The following SHISA6 variants were observed in gnomAD, a reference collection of about 807,000 sequenced individuals.
The protein encoded by SHISA6 is shisa family member 6.
SHISA6 carries 22 observed loss-of-function variants against 47.9 expected under a neutral mutation model. The ratio of observed to expected loss-of-function variants is 0.46; its 90% CI spans 0.33 to 0.66. SHISA6 has a LOEUF of 0.66. Ranked by LOEUF, SHISA6 falls within the 30% of genes least tolerant of loss-of-function variation. The pLI, the probability that SHISA6 is intolerant of heterozygous loss-of-function variation, is 0.02. For missense variants in SHISA6, 680 were observed against 764.6 expected, an observed-to-expected ratio of 0.89 and a Z score of 1.30; for synonymous variants, 388 against 337.8, an observed-to-expected ratio of 1.15 and a Z score of -1.63.
Position 11,388,816 on chromosome 17 carries a change from A to T in SHISA6, c.895+9307A>T, listed in dbSNP as rs1309753227. On this transcript the variant is annotated intron_variant, in intron 3 of 5. Transcript: ENST00000441885. ...TATATATATATATATATATATATAT[A>T]TATATATATATATATATATATATAT... Among the ~76,000 whole-genome samples, 13 of 100,376 alleles carry T rather than the reference A, an allele frequency of 1.3e-4. 1 individual carries two copies. Among genetic ancestry groups the T allele is most frequent in the African/African-American group, 4.2e-4 (10 of 23,702 alleles). The allele number at this position is 100,376 out of a possible 152,430, so 65.9% of individuals were successfully genotyped here.
At position 11,448,821 on chromosome 17, in the gene SHISA6, C is replaced by T. The variant is rs543088770; in HGVS notation, c.895+69312C>T. Among the ~76,000 whole-genome samples, 19 of 151,978 alleles carry T rather than the reference C, an allele frequency of 1.3e-4. No individual in the cohort carries two copies. The South Asian group carries it at 4.0e-3, about 32-fold the overall frequency. ...AGCCTGGGTGACAAGAGCAAAACTC[C>T]GTCTTGTCTGAGCAAAAAATCATCT... On this transcript the variant is annotated intron_variant, in intron 3 of 5. Coordinates refer to ENST00000441885, the MANE Select transcript of SHISA6 (RefSeq NM_207386.4).
chr17:11,380,548 A>C (rs574367059), intron 3 of SHISA6: 140 of 152,340 alleles, frequency 9.2e-4, no homozygotes, highest in African/African-American at 3.3e-3. Flanking sequence ...ACATTTACTC[A>C]CTAAAAGATA....
intron 3 of SHISA6, among the ~76,000 whole-genome samples, chr17:11,437,229 G>A (rs1453286959): frequency 6.6e-6 from 1 of 152,156 alleles, no homozygotes; most frequent in Non-Finnish European, 1.5e-5. Context: ...ATGAGAGGCT[G>A]GTCACCTCCC....
chr17:11,468,603 G>A (rs1414956157), intron 3 of SHISA6, among the ~76,000 whole-genome samples: 3 of 152,278 alleles, frequency 2.0e-5, no homozygotes, highest in Middle Eastern at 6.8e-3. Flanking sequence ...ACAAGGGCTA[G>A]TCCAAGCCCG....
chr17:11,532,754 T>C (rs1179642228), intron 3 of SHISA6, among the ~76,000 whole-genome samples: 1 of 147,348 alleles, frequency 6.8e-6, no homozygotes, highest in African/African-American at 2.5e-5. Context: ...TTTTTTTTTT[T>C]TTTTTTTTTT....
At chr17:11,396,005 T>C (rs955560950) in intron 3 of SHISA6, among the ~76,000 whole-genome samples, 4 of 152,212 alleles carry the variant, frequency 2.6e-5, no homozygotes, top group Admixed American at 6.5e-5. Flanking sequence ...ACAGAGATGC[T>C]AGATAGATAG....
chr17:11,496,522 G>A (rs951775128), intron 3 of SHISA6, among the ~76,000 whole-genome samples: 2 of 152,098 alleles, frequency 1.3e-5, no homozygotes, highest in East Asian at 1.9e-4. Flanking sequence ...GGTGAATCAC[G>A]AGGTCAGGAG....
rs577853781 is a variant in SHISA6 at position 11,524,039 on chromosome 17, G to T, written c.896-27857G>T. Among the ~76,000 whole-genome samples, 5 of 142,474 alleles carry T rather than the reference G, an allele frequency of 3.5e-5. No homozygotes were observed. The East Asian group carries it at 8.2e-4, about 23-fold the overall frequency. 93.5% of individuals were successfully genotyped at this position (142,474 alleles called of 152,430 possible). ...AAAAGAAAAAAGAAAGAAAAGAAAAGAAAGAAAGAAAAAGAAGAAAGAAAG... is the reference window on the plus strand; with the variant it reads ...AAAAGAAAAAAGAAAGAAAAGAAAATAAAGAAAGAAAAAGAAGAAAGAAAG... On this transcript the variant is annotated intron_variant, in intron 3 of 5. Transcript: ENST00000441885.
chr17:11,478,194 G>T (rs1404940641), intron 3 of SHISA6, among the ~76,000 whole-genome samples: 2 of 55,168 alleles, frequency 3.6e-5, no homozygotes, highest in Non-Finnish European at 6.9e-5. Context: ...TTTTTCATGT[G>T]TTTTTTGGCT....
intron 3 of SHISA6, among the ~76,000 whole-genome samples, chr17:11,480,183 A>G (rs1017818952): frequency 6.6e-6 from 1 of 152,158 alleles, no homozygotes; most frequent in East Asian, 1.9e-4. Flanking sequence ...TACAGGTAAG[A>G]GTCCCACAGT....
rs1472852564 is a variant in SHISA6, at chr17:11,558,352, G to A, written c.*48G>A. 2.0e-6 allele frequency: 3 copies of A among 1,499,482 alleles called. No individual in the cohort carries two copies. Among genetic ancestry groups the A allele is most frequent in the Non-Finnish European group, 2.7e-6 (3 of 1,122,364 alleles). The allele number at this position is 1,499,482 out of a possible 1,614,324, so 92.9% of individuals were successfully genotyped here. ...GCTGGGCGTGGCAGAGCAGAGCGGGGGCCGGGAGGGGCCAGGAGCAGAGCT... is the reference window on the plus strand; with the variant it reads ...GCTGGGCGTGGCAGAGCAGAGCGGGAGCCGGGAGGGGCCAGGAGCAGAGCT... On this transcript the variant is annotated 3_prime_UTR_variant, in exon 6 of 6. Transcript: ENST00000441885.
At chr17:11,275,114 T>G (rs924137227) in intron 2 of SHISA6, among the ~76,000 whole-genome samples, 1 of 151,924 alleles carries the variant, frequency 6.6e-6, no homozygotes, top group Non-Finnish European at 1.5e-5. Context: ...TGGAACTCTG[T>G]GTTCTAGTGT....
At chr17:11,469,446 T>C (rs1485384693) in intron 3 of SHISA6, among the ~76,000 whole-genome samples, 2 of 152,190 alleles carry the variant, frequency 1.3e-5, no homozygotes, top group East Asian at 1.9e-4. Context: ...ATGAGATCCA[T>C]GTCAGACTTC....
chr17:11,545,153 T>A (rs200056471), intron 3 of SHISA6, among the ~76,000 whole-genome samples: 1 of 144,358 alleles, frequency 6.9e-6, no homozygotes, highest in African/African-American at 2.6e-5. Context: ...GTCGATGGTT[T>A]AAAAAAAAAA....
chr17:11,485,146 T>G lies in SHISA6; in HGVS notation c.896-66750T>G, dbSNP rs1268352415. Among the ~76,000 whole-genome samples the G allele has an allele frequency of 2.0e-5, 3 of 152,290 alleles. No homozygotes were observed. The East Asian group carries it at 5.8e-4, about 29-fold the overall frequency. ...AAACAATTATCTCCTACTCTCTTCA[T>G]TTTTAAAACAGATGAGGTGTTTTTA... is the stretch of plus-strand genomic sequence containing the variant. On this transcript the variant is annotated intron_variant, in intron 3 of 5. Coordinates refer to ENST00000441885, the MANE Select transcript of SHISA6 (RefSeq NM_207386.4).
At chr17:11,255,998 T>C (rs1907993571) in intron 1 of SHISA6, among the ~76,000 whole-genome samples, 1 of 152,224 alleles carries the variant, frequency 6.6e-6, no homozygotes, top group Admixed American at 6.5e-5. Flanking sequence ...GCAGACATTA[T>C]TTTTTGCCTC....
intron 3 of SHISA6, among the ~76,000 whole-genome samples, chr17:11,458,922 TGGGCC>T (rs1213496803): frequency 1.3e-5 from 2 of 152,016 alleles, no homozygotes; most frequent in African/African-American, 4.8e-5. Flanking sequence ...AAAGACATTA[TGGGCC>T]GGGCATGGTG....
At chr17:11,275,851 A>C (rs1252058296) in intron 2 of SHISA6, among the ~76,000 whole-genome samples, 2 of 152,058 alleles carry the variant, frequency 1.3e-5, no homozygotes, top group African/African-American at 4.8e-5. Context: ...GGGTCACACT[A>C]CATCTTGAGT....
chr17:11,305,316 A>G (rs1037982949), intron 2 of SHISA6, among the ~76,000 whole-genome samples: 2 of 152,214 alleles, frequency 1.3e-5, no homozygotes, highest in Admixed American at 6.5e-5. Flanking sequence ...CCATGAAGTC[A>G]TCTTTATAGT....
Sources: allele counts gnomAD v4.1 joint callset (sites outside exome capture counted in the v4.1 genomes callset), GRCh38; gene constraint gnomAD v4.1.1; transcripts MANE v1.5; gene names NCBI Gene and HGNC (gene_info 2026-07-23, HGNC 2026-07-21).